The following ZMAT4 variants were observed in gnomAD, a reference collection of about 807,000 sequenced individuals.
ZMAT4 encodes the protein zinc finger matrin-type protein 4.
Under a neutral mutation model 28.7 loss-of-function variants are expected in ZMAT4, and 17 were observed. That is an observed-to-expected ratio of 0.59 (90% CI 0.41 to 0.89). The LOEUF (loss-of-function observed/expected upper bound fraction) is 0.89. ZMAT4 is among the 40% of genes least tolerant of loss of function. The pLI is 0.00. For synonymous variants in ZMAT4, 117 were observed against 109.2 expected, an observed-to-expected ratio of 1.07 and a Z score of -0.44; for missense variants, 240 against 283.8, an observed-to-expected ratio of 0.85 and a Z score of 1.11.
intron 6 of ZMAT4, among the ~76,000 whole-genome samples, chr8:40,550,091 G>T (rs1662522517): frequency 6.6e-6 from 1 of 152,068 alleles, no homozygotes; most frequent in Admixed American, 6.6e-5. Context: ...CTTTCCCTAT[G>T]GGGAGTAGTC....
At chr8:40,828,841 G>A (rs1056671470) in intron 1 of ZMAT4, among the ~76,000 whole-genome samples, 1 of 151,982 alleles carries the variant, frequency 6.6e-6, no homozygotes, top group African/African-American at 2.4e-5. Flanking sequence ...ATCATGCAGA[G>A]ACTGGAATTC....
intron 4 of ZMAT4, among the ~76,000 whole-genome samples, chr8:40,681,477 G>T (rs1809163434): frequency 6.6e-6 from 1 of 152,132 alleles, no homozygotes. Context: ...AGTTAGATTA[G>T]ATCATTCAGT....
chr8:40,828,324 C>T (rs1024331320), intron 1 of ZMAT4, among the ~76,000 whole-genome samples: 2 of 152,186 alleles, frequency 1.3e-5, no homozygotes, highest in African/African-American at 4.8e-5. Context: ...ATGTTCCCTG[C>T]TATTTCTAAT....
intron 5 of ZMAT4, among the ~76,000 whole-genome samples, chr8:40,647,719 C>T (rs559433388): frequency 1.3e-3 from 205 of 152,316 alleles, no homozygotes; most frequent in African/African-American, 4.5e-3. Flanking sequence ...CAGCACGCAG[C>T]TGGAGATCTG....
intron 4 of ZMAT4, among the ~76,000 whole-genome samples, chr8:40,693,637 G>C (rs1201529181): frequency 6.6e-6 from 1 of 152,174 alleles, no homozygotes; most frequent in South Asian, 2.1e-4. Context: ...AAATATTTTA[G>C]GCTTTGTGAC....
intron 3 of ZMAT4, among the ~76,000 whole-genome samples, chr8:40,744,823 T>G (rs1812151148): frequency 6.6e-6 from 1 of 152,158 alleles, no homozygotes; most frequent in South Asian, 2.1e-4. Context: ...AAATAACAAG[T>G]AAGGCAGGCA....
At chr8:40,806,985 T>G (rs1815108316) in intron 2 of ZMAT4, among the ~76,000 whole-genome samples, 1 of 151,894 alleles carries the variant, frequency 6.6e-6, no homozygotes, top group South Asian at 2.1e-4. Flanking sequence ...TTATGCTATT[T>G]GGCTGACCTA....
intron 3 of ZMAT4, among the ~76,000 whole-genome samples, chr8:40,741,613 A>C (rs1812007414): frequency 6.6e-6 from 1 of 152,200 alleles, no homozygotes; most frequent in African/African-American, 2.4e-5. Flanking sequence ...AGATGAGGTA[A>C]AGTGGAGACT....
intron 5 of ZMAT4, among the ~76,000 whole-genome samples, chr8:40,667,122 G>T (rs1808447871): frequency 1.3e-5 from 2 of 151,682 alleles, no homozygotes; most frequent in Non-Finnish European, 2.9e-5. Flanking sequence ...GTAAACACTG[G>T]CCCGCAATAA....
intron 5 of ZMAT4, among the ~76,000 whole-genome samples, chr8:40,630,704 G>A (rs1806543103): frequency 6.6e-6 from 1 of 152,150 alleles, no homozygotes; most frequent in South Asian, 2.1e-4. Flanking sequence ...GCATACATGT[G>A]CACGAATTTA....
intron 5 of ZMAT4, among the ~76,000 whole-genome samples, chr8:40,652,267 G>A (rs1202330546): frequency 9.5e-6 from 1 of 104,900 alleles, no homozygotes; most frequent in Admixed American, 1.0e-4. Context: ...CAAAAAGTGG[G>A]TGAAGGACAT....
intron 3 of ZMAT4, 83 bp from the exon 4 acceptor site, chr8:40,697,484 G>T: frequency 7.8e-7 from 1 of 1,275,208 alleles, no homozygotes. Flanking sequence ...ACGAACTAGT[G>T]TATTGAAATA....
intron 2 of ZMAT4, among the ~76,000 whole-genome samples, chr8:40,805,904 C>T (rs2150591480): frequency 6.6e-6 from 1 of 151,712 alleles, no homozygotes; most frequent in South Asian, 2.1e-4. Context: ...CTAACCTGCA[C>T]ATTGCGCACA....
At chr8:40,735,516 TA>T (rs1230752194) in intron 3 of ZMAT4, among the ~76,000 whole-genome samples, 1 of 152,170 alleles carries the variant, frequency 6.6e-6, no homozygotes, top group East Asian at 1.9e-4. Context: ...CAGATTTTTT[TA>T]AAAGCATTAC....
intron 6 of ZMAT4, among the ~76,000 whole-genome samples, chr8:40,557,546 T>C (rs557715364): frequency 6.6e-6 from 1 of 152,210 alleles, no homozygotes; most frequent in Non-Finnish European, 1.5e-5. Flanking sequence ...TGTATATCTG[T>C]CCATTCTTCA....
chr8:40,884,670 C>G (rs919407791), intron 1 of ZMAT4: 1 of 152,316 alleles, frequency 6.6e-6, no homozygotes, highest in African/African-American at 2.4e-5. Flanking sequence ...AAATGCTTTG[C>G]TTAGTTTCTG....
chr8:40,574,394 C>A (rs192048631), intron 6 of ZMAT4, among the ~76,000 whole-genome samples: 1 of 151,484 alleles, frequency 6.6e-6, no homozygotes, highest in Non-Finnish European at 1.5e-5. Flanking sequence ...CTATATAAAA[C>A]CAAAAAATAT....
chr8:40,698,951 T>C (rs1170313112), intron 3 of ZMAT4, among the ~76,000 whole-genome samples: 1 of 152,046 alleles, frequency 6.6e-6, no homozygotes, highest in African/African-American at 2.4e-5. Context: ...CTGTGCTCAT[T>C]GGCAATACTC....
intron 3 of ZMAT4, among the ~76,000 whole-genome samples, chr8:40,734,470 C>T (rs935076380): frequency 9.2e-5 from 14 of 152,232 alleles, no homozygotes; most frequent in African/African-American, 1.4e-4. Context: ...TAAATTTAGA[C>T]GATTTCCTTG....
Sources: gnomAD v4.1 joint callset for allele counts (sites outside exome capture counted in the v4.1 genomes callset) on GRCh38, gnomAD v4.1.1 for gene constraint, MANE v1.5 for transcripts, NCBI Gene and HGNC (gene_info 2026-07-23, HGNC 2026-07-21) for gene names.